Variants in APOD observed in about 807,000 individuals in gnomAD.
APOD encodes the protein apo-D.
APOD carries 22 observed loss-of-function variants against 20.4 expected under a neutral mutation model. The observed-to-expected ratio is 1.08, with a 90% CI of 0.77 to 1.54. APOD has a LOEUF of 1.54. Among genes scored for constraint, APOD ranks in the 40% most tolerant of loss-of-function variants. The probability of loss-of-function intolerance (pLI) is 0.00; values close to 1 mark genes in which losing one functional copy is unlikely to be tolerated. For synonymous variants in APOD, 97 were observed against 92.4 expected (o/e 1.05, Z -0.29); for missense variants, 223 against 229.6 (o/e 0.97, Z 0.19).
At chr3:195,582,326 C>T (rs1204407842) in intron 1 of APOD, among the ~76,000 whole-genome samples, 2 of 152,180 alleles carry the variant, frequency 1.3e-5, no homozygotes, top group Admixed American at 1.3e-4. Flanking sequence ...TTAATGTGTA[C>T]TTAAGACTTT....
chr3:195,582,220 CA>C (rs1214299473), intron 1 of APOD, among the ~76,000 whole-genome samples: 1 of 151,862 alleles, frequency 6.6e-6, no homozygotes, highest in African/African-American at 2.4e-5. Flanking sequence ...ACAACAACAA[CA>C]AAAAAACTCC....
intron 2 of APOD, among the ~76,000 whole-genome samples, chr3:195,575,752 C>T (rs569048909): frequency 2.6e-5 from 4 of 152,142 alleles, no homozygotes; most frequent in East Asian, 1.9e-4. Context: ...TTCAGCCTCC[C>T]GAGTAGCTGG....
At chr3:195,579,731 T>C (rs1465370350) in intron 1 of APOD, among the ~76,000 whole-genome samples, 1 of 152,184 alleles carries the variant, frequency 6.6e-6, no homozygotes, top group Non-Finnish European at 1.5e-5. Context: ...TTCTGGTTTG[T>C]TGGATTGATT....
At chr3:195,578,842 C>A (rs1478998119) in intron 2 of APOD, among the ~76,000 whole-genome samples, 1 of 152,164 alleles carries the variant, frequency 6.6e-6, no homozygotes, top group African/African-American at 2.4e-5. Context: ...TACTATGGTT[C>A]CCTGGTCCTG....
intron 1 of APOD, 122 bp from the exon 2 acceptor site, chr3:195,579,617 C>A (rs895019353): frequency 2.9e-6 from 3 of 1,018,072 alleles, no homozygotes; most frequent in South Asian, 1.6e-5. Context: ...CTCTCCCCAG[C>A]CCATGTGAAC....
chr3:195,579,297 C>A, intron 2 of APOD, 42 bp downstream of exon 2: 2 of 1,611,812 alleles, frequency 1.2e-6, no homozygotes, highest in South Asian at 1.1e-5. Flanking sequence ...AACGCTTATT[C>A]ACAGCGGAGG....
At chr3:195,570,899 G>A in intron 4 of APOD, 1 of 216,164 alleles carries the variant, frequency 4.6e-6, no homozygotes, top group South Asian at 9.4e-5. Flanking sequence ...CGTGCAGGTT[G>A]TTCTGCTAAT....
rs760819270 is a variant in APOD at position 195,579,406 on chromosome 3, T to A, written c.56A>T (p.Glu19Val). 1 of 1,614,180 alleles carries A rather than the reference T, an allele frequency of 6.2e-7. No homozygotes were observed. The highest frequency in any genetic ancestry group is 1.7e-5 in the Admixed American group (1 of 60,028). The change falls in exon 2 of 5, where the codon GAG (glutamate) becomes GTG (valine). Residue 19 changes from glutamate (E) to valine (V), a missense_variant. Coordinates refer to ENST00000343267, the MANE Select transcript of APOD (RefSeq NM_001647.4). ...CTTCCCAAGATGAAATGCTTGTCCC[T>A]CTGCCGCACCGAAGAGGCCAGCCAG... Reference protein sequence around the residue: ...SALAGLFGAAEGQAFHLGKCP... With the variant: ...SALAGLFGAAVGQAFHLGKCP...
chr3:195,572,134 T>C (rs772637507), intron 3 of APOD, among the ~76,000 whole-genome samples: 45 of 152,336 alleles, frequency 3.0e-4, no homozygotes, highest in Non-Finnish European at 5.0e-4. Context: ...AGGATGGACT[T>C]GATCACTGAA....
chr3:195,572,751 C>T (rs1366356080), intron 3 of APOD, among the ~76,000 whole-genome samples: 1 of 151,976 alleles, frequency 6.6e-6, no homozygotes, highest in Non-Finnish European at 1.5e-5. Flanking sequence ...GTGGCTCACG[C>T]CTGTAATCCC....
At chr3:195,578,202 T>C (rs888200840) in intron 2 of APOD, among the ~76,000 whole-genome samples, 2 of 152,306 alleles carry the variant, frequency 1.3e-5, no homozygotes, top group African/African-American at 4.8e-5. Flanking sequence ...TCAGATTCCT[T>C]GGATGTTTTC....
At chr3:195,571,070 T>C in intron 4 of APOD, 1 of 592,610 alleles carries the variant, frequency 1.7e-6, no homozygotes, top group Non-Finnish European at 3.0e-6. Flanking sequence ...CACTGGGATG[T>C]GAGCTCCATA....
intron 1 of APOD, chr3:195,583,169 C>T (rs1234187193): frequency 6.6e-6 from 1 of 152,262 alleles, no homozygotes; most frequent in Admixed American, 6.5e-5. Context: ...TTCATACCAA[C>T]GAGGTGAATT....
Position 195,568,831 on chromosome 3 carries a change from T to TGGCGGGG in APOD, c.*68_*69insCCCCGCC. Reference sequence around the variant, plus strand: ...GTCGTGGTTGATTGGTTTGTCTTTATGGGGGGGGGGTAGGGGAAAGCGAAG... The same window carrying TGGCGGGG: ...GTCGTGGTTGATTGGTTTGTCTTTATGGCGGGGGGGGGGGGGGTAGGGGAAAGCGAAG... On this transcript the variant is annotated 3_prime_UTR_variant, in exon 5 of 5. Coordinates refer to ENST00000343267, the MANE Select transcript of APOD (RefSeq NM_001647.4). 8 of 896,788 alleles carry TGGCGGGG rather than the reference T, an allele frequency of 8.9e-6. No homozygotes were observed. Among genetic ancestry groups the TGGCGGGG allele is most frequent in the Admixed American group, 2.4e-5 (1 of 42,106 alleles). The allele number at this position is 896,788 out of a possible 1,614,324, so 55.6% of individuals were successfully genotyped here.
At chr3:195,574,911 C>G (rs1294020959) in intron 2 of APOD, among the ~76,000 whole-genome samples, 2 of 152,196 alleles carry the variant, frequency 1.3e-5, no homozygotes, top group Non-Finnish European at 2.9e-5. Context: ...ATTAAGGCAC[C>G]TTTTGTGTAA....
rs1465355660 is a variant in APOD at position 195,583,666 on chromosome 3, T to C, written c.-35+212A>G. ...ATCTTAGGCATGTTGCTAGTGTATC[T>C]GAACCTCAGCTTTATCACTGGAAAA... On this transcript the variant is annotated intron_variant, in intron 1 of 4. Transcript: ENST00000343267. Among the ~76,000 whole-genome samples, 7 of 152,198 alleles carry C rather than the reference T, an allele frequency of 4.6e-5. No homozygotes were observed. The East Asian group carries it at 1.2e-3, about 25-fold the overall frequency.
intron 4 of APOD, among the ~76,000 whole-genome samples, chr3:195,569,786 GTTTTTTTTTTTTTT>G (rs543541862): frequency 1.3e-4 from 7 of 54,054 alleles, no homozygotes; most frequent in South Asian, 7.9e-4. Context: ...CTTCTTCTTC[GTTTTTTTTTTTTTT>G]TTTTTTTTTT....
At chr3:195,579,312 AAAAC>A (rs747640177) in intron 2 of APOD, 23 bp downstream of exon 2, 1 of 1,613,500 alleles carries the variant, frequency 6.2e-7, no homozygotes, top group Non-Finnish European at 8.5e-7. Flanking sequence ...CGGAGGCAGC[AAAAC>A]AAACGGGAGG....
chr3:195,579,727 T>G (rs1326497911), intron 1 of APOD, among the ~76,000 whole-genome samples: 1 of 152,102 alleles, frequency 6.6e-6, no homozygotes, highest in African/African-American at 2.4e-5. Context: ...GGTATTCTGG[T>G]TTGTTGGATT....
Sources: gnomAD v4.1 joint callset for allele counts (sites outside exome capture counted in the v4.1 genomes callset) on GRCh38, gnomAD v4.1.1 for gene constraint, MANE v1.5 for transcripts, NCBI Gene and HGNC (gene_info 2026-07-23, HGNC 2026-07-21) for gene names.